The following FAM167A variants were observed in gnomAD, a reference collection of about 807,000 sequenced individuals.
FAM167A encodes the protein protein FAM167A.
In FAM167A, 23 loss-of-function variants were observed where a neutral mutation model predicts 14.9. That is an observed-to-expected ratio of 1.55 (90% CI 1.11 to 2.19). FAM167A has a LOEUF of 2.19. FAM167A is among the 30% of genes most tolerant of loss of function. FAM167A has a pLI of 0.00. For synonymous variants in FAM167A, 174 were observed against 117.7 expected (o/e 1.48, Z -3.10); for missense variants, 401 against 281.5 (o/e 1.42, Z -3.04).
intron 1 of FAM167A, among the ~76,000 whole-genome samples, chr8:11,461,503 G>A (rs1316515410): frequency 6.6e-6 from 1 of 152,248 alleles, no homozygotes; most frequent in African/African-American, 2.4e-5. Flanking sequence ...AAAGCAATCT[G>A]CAGAGATGAA....
intron 1 of FAM167A, 129 bp from the exon 2 acceptor site, chr8:11,444,937 C>T (rs968004931): frequency 1.3e-6 from 1 of 787,204 alleles, no homozygotes; most frequent in Non-Finnish European, 1.5e-6. Flanking sequence ...CATGGCTAGT[C>T]CGGGACGGAA....
chr8:11,432,137 G>A (rs1385274784), intron 2 of FAM167A, among the ~76,000 whole-genome samples: 3 of 152,066 alleles, frequency 2.0e-5, no homozygotes, highest in Admixed American at 2.0e-4. Context: ...CACATTCAAG[G>A]GAAGCAAATA....
At chr8:11,455,406 G>C (rs1395799970) in intron 1 of FAM167A, among the ~76,000 whole-genome samples, 1 of 136,046 alleles carries the variant, frequency 7.4e-6, no homozygotes, top group African/African-American at 2.8e-5. Context: ...TGTGAGTGTG[G>C]GGGGTGGCTG....
rs145574054 is a variant in FAM167A at position 11,443,954 on chromosome 8, C to G, written c.381+77G>C. 2,468 of 1,511,802 alleles carry G rather than the reference C, an allele frequency of 1.6e-3. 16 individuals carry two copies. Among genetic ancestry groups the G allele is most frequent in the Middle Eastern group, 9.0e-3 (51 of 5,644 alleles). The allele number at this position is 1,511,802 out of a possible 1,614,324, so 93.6% of individuals were successfully genotyped here. A position where few individuals can be genotyped will look rare whatever the true frequency, so the allele number is the denominator to read the frequency against. ...TACATGGTGGGGGTGGGGAGACAGA[C>G]AGAGAGAGACAGAAAAAGACACAGA... On this transcript the variant is annotated intron_variant, in intron 2 of 2. Coordinates refer to ENST00000284486, the MANE Select transcript of FAM167A (RefSeq NM_053279.3).
At chr8:11,439,029 A>G (rs958803999) in intron 2 of FAM167A, among the ~76,000 whole-genome samples, 4 of 152,238 alleles carry the variant, frequency 2.6e-5, no homozygotes, top group Non-Finnish European at 5.9e-5. Context: ...CTGGCAGCTC[A>G]GGGCCCCTTG....
chr8:11,424,830 C>G (rs1805023773), intron 2 of FAM167A, among the ~76,000 whole-genome samples, 194 bp from the exon 3 acceptor site: 1 of 152,202 alleles, frequency 6.6e-6, no homozygotes, highest in Admixed American at 6.5e-5. Flanking sequence ...GGTCGCAAAA[C>G]AATACTTTGT....
intron 1 of FAM167A, among the ~76,000 whole-genome samples, chr8:11,449,095 C>T (rs1439134404): frequency 2.6e-5 from 4 of 152,192 alleles, no homozygotes; most frequent in Non-Finnish European, 4.4e-5. Flanking sequence ...GGAGCTGCTG[C>T]AGGAATGGGA....
chr8:11,442,272 TGCACATGA>T (rs1420595892), intron 2 of FAM167A, among the ~76,000 whole-genome samples: 1 of 152,090 alleles, frequency 6.6e-6, no homozygotes, highest in Non-Finnish European at 1.5e-5. Context: ...AGGCCCAGGC[TGCACATGA>T]GAAGCACGCA....
intron 2 of FAM167A, chr8:11,438,078 T>C (rs747802849): frequency 1.1e-5 from 5 of 453,596 alleles, no homozygotes; most frequent in Non-Finnish European, 2.2e-5. Context: ...CCCATCCACC[T>C]TGGCCTCACC....
At chr8:11,471,920 G>A (rs940851208), upstream of FAM167A, among the ~76,000 whole-genome samples, 2 of 152,188 alleles carry the variant, frequency 1.3e-5, no homozygotes, top group Admixed American at 6.5e-5. Flanking sequence ...TAAGAGGGGG[G>A]CCACAGGTGG....
chr8:11,475,199 C>G (rs1797830919), intron 1 of FAM167A, among the ~76,000 whole-genome samples: 1 of 152,160 alleles, frequency 6.6e-6, no homozygotes, highest in South Asian at 2.1e-4. Context: ...AGGACAGGTT[C>G]CTCGGCTTTT....
chr8:11,441,686 G>C (rs1806448050), intron 2 of FAM167A, among the ~76,000 whole-genome samples: 1 of 152,158 alleles, frequency 6.6e-6, no homozygotes, highest in Non-Finnish European at 1.5e-5. Flanking sequence ...GTCATCCTAA[G>C]CAGGTCACCT....
At chr8:11,470,744 C>T (rs976273592), upstream of FAM167A, among the ~76,000 whole-genome samples, 3 of 152,148 alleles carry the variant, frequency 2.0e-5, no homozygotes, top group Admixed American at 6.5e-5. Context: ...CCCTGCCCTG[C>T]TCCAGGCAGC....
At chr8:11,453,480 A>G (rs1807106521) in intron 1 of FAM167A, among the ~76,000 whole-genome samples, 1 of 152,232 alleles carries the variant, frequency 6.6e-6, no homozygotes, top group Non-Finnish European at 1.5e-5. Flanking sequence ...CATTACACAG[A>G]TGAAGAGACC....
chr8:11,455,881 G>T (rs1184856456), intron 1 of FAM167A, among the ~76,000 whole-genome samples: 1 of 134,160 alleles, frequency 7.5e-6, no homozygotes, highest in African/African-American at 2.9e-5. Flanking sequence ...AGTGTGGGGT[G>T]GTTGCCTTGC....
chr8:11,459,738 G>C (rs1010162279), intron 1 of FAM167A, among the ~76,000 whole-genome samples: 3 of 152,096 alleles, frequency 2.0e-5, no homozygotes, highest in African/African-American at 7.2e-5. Context: ...TTTTGAGACA[G>C]AGTTTTGCTC....
At chr8:11,458,230 T>C (rs949093096) in intron 1 of FAM167A, among the ~76,000 whole-genome samples, 2 of 152,228 alleles carry the variant, frequency 1.3e-5, no homozygotes, top group Middle Eastern at 3.2e-3. Flanking sequence ...ATGTTTGAAT[T>C]TGACTCAGTC....
intron 1 of FAM167A, among the ~76,000 whole-genome samples, chr8:11,450,006 C>T (rs754451639): frequency 6.6e-6 from 1 of 152,254 alleles, no homozygotes; most frequent in Non-Finnish European, 1.5e-5. Context: ...TCACCACGCG[C>T]TCCTGCTGTT....
chr8:11,438,942 G>T (rs900089893), intron 2 of FAM167A, among the ~76,000 whole-genome samples: 1 of 152,232 alleles, frequency 6.6e-6, no homozygotes, highest in African/African-American at 2.4e-5. Flanking sequence ...GGAAATGGTT[G>T]TTATGAGGCA....
Sources: gnomAD v4.1 joint callset for allele counts (sites outside exome capture counted in the v4.1 genomes callset) on GRCh38, gnomAD v4.1.1 for gene constraint, MANE v1.5 for transcripts, NCBI Gene and HGNC (gene_info 2026-07-23, HGNC 2026-07-21) for gene names.